Variants in DLC1 observed in about 807,000 individuals in gnomAD.
DLC1 encodes rho GTPase-activating protein 7.
Under a neutral mutation model 140.3 loss-of-function variants are expected in DLC1, and 54 were observed. The ratio of observed to expected loss-of-function variants is 0.38; its 90% CI spans 0.31 to 0.48. DLC1 has a LOEUF of 0.48. Among genes scored for constraint, DLC1 ranks in the 20% least tolerant of loss-of-function variants. DLC1 has a pLI of 0.96. For missense variants in DLC1, 2,536 were observed against 1,907.0 expected, an observed-to-expected ratio of 1.33 and a Z score of -6.14; for synonymous variants, 986 against 728.1, an observed-to-expected ratio of 1.35 and a Z score of -5.70.
At chr8:13,165,255 A>G (rs1273070408) in intron 5 of DLC1, among the ~76,000 whole-genome samples, 1 of 152,176 alleles carries the variant, frequency 6.6e-6, no homozygotes, top group Non-Finnish European at 1.5e-5. Flanking sequence ...ATCCCACTTT[A>G]TACAGTAGTC....
intron 4 of DLC1, among the ~76,000 whole-genome samples, chr8:13,314,329 A>G (rs914907778): frequency 1.3e-5 from 2 of 148,674 alleles, no homozygotes; most frequent in African/African-American, 4.9e-5. Flanking sequence ...TATATTATAA[A>G]TATATGTGTA....
At chr8:13,189,918 C>G (rs1826647126) in intron 5 of DLC1, among the ~76,000 whole-genome samples, 1 of 151,830 alleles carries the variant, frequency 6.6e-6, no homozygotes, top group African/African-American at 2.4e-5. Context: ...TTGGCCCTGG[C>G]TTCCCACAAA....
At chr8:13,560,953 G>T (rs1585275632) in intron 1 of DLC1, among the ~76,000 whole-genome samples, 2 of 151,778 alleles carry the variant, frequency 1.3e-5, no homozygotes, top group Non-Finnish European at 1.5e-5. Context: ...TTTACAAAAA[G>T]GTCACTGAGA....
intron 2 of DLC1, among the ~76,000 whole-genome samples, chr8:13,489,465 TAAG>T (rs1365008001): frequency 2.9e-5 from 4 of 138,858 alleles, no homozygotes; most frequent in South Asian, 2.4e-4. Flanking sequence ...TTGCTACTAT[TAAG>T]AATAGCTGAA....
At chr8:13,390,187 TAAC>T (rs1169843205) in intron 4 of DLC1, among the ~76,000 whole-genome samples, 1 of 152,076 alleles carries the variant, frequency 6.6e-6, no homozygotes, top group Non-Finnish European at 1.5e-5. Flanking sequence ...CCTAAAAGAA[TAAC>T]AACACCAATA....
intron 4 of DLC1, among the ~76,000 whole-genome samples, chr8:13,368,846 G>T (rs1835607563): frequency 6.6e-6 from 1 of 152,084 alleles, no homozygotes; most frequent in East Asian, 1.9e-4. Context: ...TATTTTAAGA[G>T]GGAGTCTCAC....
intron 4 of DLC1, among the ~76,000 whole-genome samples, chr8:13,391,114 T>C (rs1180896682): frequency 6.6e-6 from 1 of 152,214 alleles, no homozygotes; most frequent in Non-Finnish European, 1.5e-5. Flanking sequence ...TTCTGGGTAC[T>C]CTTCATGGCC....
chr8:13,192,613 T>C (rs189319264), intron 5 of DLC1, among the ~76,000 whole-genome samples: 1 of 152,150 alleles, frequency 6.6e-6, no homozygotes, highest in East Asian at 1.9e-4. Flanking sequence ...TGGACAGAAT[T>C]GTAGCACTCA....
At chr8:13,252,776 G>C (rs1482330923) in intron 5 of DLC1, among the ~76,000 whole-genome samples, 1 of 152,128 alleles carries the variant, frequency 6.6e-6, no homozygotes, top group African/African-American at 2.4e-5. Context: ...CCAAAGAACT[G>C]TTCCATTACA....
chr8:13,254,890 T>C (rs889044998), intron 5 of DLC1, among the ~76,000 whole-genome samples: 2 of 152,204 alleles, frequency 1.3e-5, no homozygotes, highest in Non-Finnish European at 2.9e-5. Flanking sequence ...GCACCGATCC[T>C]GGAAATTGGG....
intron 5 of DLC1, among the ~76,000 whole-genome samples, chr8:13,165,063 C>G (rs1465846352): frequency 6.6e-6 from 1 of 152,158 alleles, no homozygotes; most frequent in African/African-American, 2.4e-5. Context: ...TGATTGGTTT[C>G]TCTTTCTACT....
intron 4 of DLC1, among the ~76,000 whole-genome samples, chr8:13,367,748 G>T (rs1347604582): frequency 6.6e-6 from 1 of 152,076 alleles, no homozygotes; most frequent in East Asian, 1.9e-4. Context: ...ATCTGAAATT[G>T]GTCAATTTCA....
At chr8:13,328,826 A>C (rs13251274) in intron 4 of DLC1, among the ~76,000 whole-genome samples, 1 of 152,180 alleles carries the variant, frequency 6.6e-6, no homozygotes, top group African/African-American at 2.4e-5. Context: ...AAGCGGAAGG[A>C]ACAGACTCTT....
intron 4 of DLC1, among the ~76,000 whole-genome samples, chr8:13,339,268 G>A (rs888950889): frequency 6.6e-6 from 1 of 152,178 alleles, no homozygotes; most frequent in Non-Finnish European, 1.5e-5. Context: ...CCAACTCACG[G>A]AGGACAAGGC....
chr8:13,381,251 C>G lies in DLC1; in HGVS notation c.1314+12302G>C, dbSNP rs189925952. ...TGTAAGGGCCTGTCCCTAGGGTTGA[C>G]TAGAGATATAAAGAAGCCTCAGCCG... On this transcript the variant is annotated intron_variant, in intron 4 of 17. Coordinates refer to ENST00000276297, the MANE Select transcript of DLC1 (RefSeq NM_182643.3). Among the ~76,000 whole-genome samples, 590 of 152,240 alleles carry G rather than the reference C, an allele frequency of 3.9e-3. 3 individuals carry two copies. The highest frequency in any genetic ancestry group is 0.013 in the African/African-American group (536 of 41,536).
chr8:13,513,108 A>T (rs916396047), intron 1 of DLC1, among the ~76,000 whole-genome samples: 1 of 152,030 alleles, frequency 6.6e-6, no homozygotes, highest in Admixed American at 6.6e-5. Flanking sequence ...CTGAATTATG[A>T]ATCAGGGCAC....
Position 13,549,078 on chromosome 8 carries a change from A to G in DLC1, c.-125-48882T>C, listed in dbSNP as rs1469259800. On this transcript the variant is annotated intron_variant, in intron 1 of 1. Coordinates refer to the DLC1 transcript ENST00000631382. ...TGACCAACTATATTAAAAGTCAGGA[A>G]ATGAGTCTCCACCTACAGATGACTT... Among the ~76,000 whole-genome samples, 4 of 152,066 alleles carry G rather than the reference A, an allele frequency of 2.6e-5. No homozygotes were observed. The East Asian group carries it at 5.8e-4, about 22-fold the overall frequency.
chr8:13,281,891 AC>A (rs547416613), intron 5 of DLC1, among the ~76,000 whole-genome samples: 2 of 152,314 alleles, frequency 1.3e-5, no homozygotes, highest in East Asian at 3.9e-4. Flanking sequence ...ACAAAAAGTC[AC>A]CTTGCCTGTG....
intron 5 of DLC1, among the ~76,000 whole-genome samples, chr8:13,245,807 T>A (rs972354519): frequency 3.9e-5 from 6 of 152,100 alleles, no homozygotes; most frequent in African/African-American, 1.4e-4. Flanking sequence ...TTCAAGCGAT[T>A]CTCTTGCCTC....
Sources: allele counts gnomAD v4.1 joint callset (sites outside exome capture counted in the v4.1 genomes callset), GRCh38; gene constraint gnomAD v4.1.1; transcripts MANE v1.5; gene names NCBI Gene and HGNC (gene_info 2026-07-23, HGNC 2026-07-21).